Variants in DAP observed in about 807,000 individuals in gnomAD.
DAP encodes the protein death associated protein.
DAP carries 8 observed loss-of-function variants against 13.8 expected under a neutral mutation model. That is an observed-to-expected ratio of 0.58 (90% CI 0.34 to 1.05). The LOEUF is 1.05. Ranked by LOEUF, DAP falls within the 50% of genes least tolerant of loss-of-function variation. The pLI is 0.03. For synonymous variants in DAP, 47 were observed against 47.5 expected (o/e 0.99, Z 0.04); for missense variants, 106 against 133.2 (o/e 0.80, Z 1.01).
At chr5:10,730,455 A>G (rs913127019) in intron 2 of DAP, among the ~76,000 whole-genome samples, 4 of 151,524 alleles carry the variant, frequency 2.6e-5, no homozygotes, top group African/African-American at 7.3e-5. Context: ...GGTCGAGAAG[A>G]ATTTTTCTCT....
intron 2 of DAP, among the ~76,000 whole-genome samples, chr5:10,729,158 C>A (rs764045742): frequency 2.6e-5 from 4 of 152,142 alleles, no homozygotes; most frequent in East Asian, 1.9e-4. Context: ...CAAAACAATT[C>A]CCTCATGCCC....
At chr5:10,703,986 G>C (rs1738642225) in intron 2 of DAP, among the ~76,000 whole-genome samples, 1 of 152,218 alleles carries the variant, frequency 6.6e-6, no homozygotes, top group Non-Finnish European at 1.5e-5. Flanking sequence ...GCAGCATCCC[G>C]AGGGCTGGGC....
At chr5:10,720,085 T>C (rs192578721) in intron 2 of DAP, among the ~76,000 whole-genome samples, 5 of 152,320 alleles carry the variant, frequency 3.3e-5, no homozygotes, top group Admixed American at 2.6e-4. Flanking sequence ...TTTGGCTGGA[T>C]GGTCAGGGAG....
chr5:10,682,765 C>T (rs576631308), intron 3 of DAP, among the ~76,000 whole-genome samples: 8 of 152,364 alleles, frequency 5.3e-5, no homozygotes, highest in Admixed American at 2.6e-4. Context: ...TGCCCCATGC[C>T]GTGAGACACA....
chr5:10,738,429 A>G (rs1739669580), intron 2 of DAP, among the ~76,000 whole-genome samples: 1 of 152,248 alleles, frequency 6.6e-6, no homozygotes, highest in African/African-American at 2.4e-5. Context: ...ACCGGCCATG[A>G]GATGGGGAGT....
intron 2 of DAP, among the ~76,000 whole-genome samples, chr5:10,746,251 G>T (rs896007706): frequency 4.6e-5 from 7 of 152,080 alleles, no homozygotes; most frequent in Admixed American, 2.0e-4. Context: ...GAACTTACAG[G>T]AGAGTTGCTG....
At chr5:10,741,910 C>A (rs924367969) in intron 2 of DAP, among the ~76,000 whole-genome samples, 1 of 152,192 alleles carries the variant, frequency 6.6e-6, no homozygotes, top group African/African-American at 2.4e-5. Context: ...TCATGGCTTC[C>A]ACGGTAAAGA....
intron 2 of DAP, among the ~76,000 whole-genome samples, chr5:10,709,397 C>T (rs1310083484): frequency 6.6e-6 from 1 of 152,168 alleles, no homozygotes; most frequent in Non-Finnish European, 1.5e-5. Flanking sequence ...CAGACCCAAA[C>T]GCAGGACACT....
intron 1 of DAP, among the ~76,000 whole-genome samples, chr5:10,757,997 A>G (rs1740235538): frequency 6.6e-6 from 1 of 152,238 alleles, no homozygotes; most frequent in African/African-American, 2.4e-5. Flanking sequence ...GATATGGGCC[A>G]GACAGCAACA....
intron 2 of DAP, among the ~76,000 whole-genome samples, chr5:10,693,130 A>G (rs762573902): frequency 9.6e-5 from 7 of 72,764 alleles, no homozygotes; most frequent in Admixed American, 2.3e-4. Flanking sequence ...ACACGCACAC[A>G]CACACACACA....
intron 2 of DAP, 113 bp downstream of exon 2, chr5:10,748,062 G>T: frequency 4.0e-6 from 3 of 753,792 alleles, no homozygotes; most frequent in Non-Finnish European, 6.9e-6. Context: ...ACACAGAACA[G>T]GGCCCCACAT....
intron 2 of DAP, among the ~76,000 whole-genome samples, chr5:10,713,868 G>A (rs1292782069): frequency 2.6e-5 from 4 of 152,230 alleles, no homozygotes; most frequent in African/African-American, 7.2e-5. Flanking sequence ...AGAACTGAAC[G>A]TCAGGGAGCA....
At position 10,681,072 on chromosome 5, in the gene DAP, T is replaced by C; in HGVS notation, c.293A>G (p.Gln98Arg). 6.3e-7 allele frequency: 1 copy of C among 1,598,744 alleles called. No homozygotes were observed. The highest frequency in any genetic ancestry group is 8.5e-7 in the Non-Finnish European group (1 of 1,171,704). ...ACTCCAGGCTCACTTGCGTGGCTGC[T>C]GGATGTGCTGGGTTCTTGGGGAAGG... Reference protein sequence around the residue: ...KHPSPRTQHIQQPRK With the variant: ...KHPSPRTQHIRQPRK The change falls in exon 4 of 4, where the codon CAG becomes CGG. Residue 98 changes from glutamine to arginine, a missense_variant. Physicochemically the swap from Gln to Arg is conservative, Grantham distance 43. Transcript: ENST00000230895.
chr5:10,710,034 C>G (rs958092942), intron 2 of DAP, among the ~76,000 whole-genome samples: 5 of 152,244 alleles, frequency 3.3e-5, no homozygotes, highest in African/African-American at 1.2e-4. Flanking sequence ...TTGCCAGGCT[C>G]TGTGATGAGG....
intron 2 of DAP, among the ~76,000 whole-genome samples, chr5:10,716,401 A>G: frequency 6.6e-6 from 1 of 152,176 alleles, no homozygotes; most frequent in African/African-American, 2.4e-5. Flanking sequence ...GTTAGTACTG[A>G]GTGTCAACTT....
chr5:10,761,033 T>G lies in DAP; in HGVS notation c.36A>C (p.Lys12Asn), dbSNP rs369001210. 3 of 1,213,624 alleles carry G rather than the reference T, an allele frequency of 2.5e-6. No homozygotes were observed. The African/African-American group carries it at 4.8e-5, about 19-fold the overall frequency. 75.2% of individuals were successfully genotyped at this position (1,213,624 alleles called of 1,614,324 possible). A position where few individuals can be genotyped will look rare whatever the true frequency, so the allele number is the denominator to read the frequency against. Residue 12 changes from lysine (K) to asparagine (N), a missense_variant, in exon 1 of 4, where the codon AAA (lysine) becomes AAC (asparagine). Transcript: ENST00000230895. Reference sequence around the variant, plus strand: ...CAGTACCGGCGGGCGGGTGTCCAGCTTTAGTCTCTAGTTTCCCTTCGGGAG... The same window carrying G: ...CAGTACCGGCGGGCGGGTGTCCAGCGTTAGTCTCTAGTTTCCCTTCGGGAG... ...SSPPEGKLET[K>N]AGHPPAVKAG...
chr5:10,751,594 C>T (rs562911002), intron 1 of DAP, among the ~76,000 whole-genome samples: 4 of 152,188 alleles, frequency 2.6e-5, no homozygotes, highest in African/African-American at 7.2e-5. Context: ...AGTGTCCCCC[C>T]AAAATTCATA....
intron 2 of DAP, among the ~76,000 whole-genome samples, chr5:10,723,030 T>C (rs1003128498): frequency 6.6e-6 from 1 of 152,234 alleles, no homozygotes; most frequent in South Asian, 2.1e-4. Flanking sequence ...GGGACAGCCA[T>C]CTTTCAGAGT....
chr5:10,711,302 C>A (rs1738846511), intron 2 of DAP, among the ~76,000 whole-genome samples: 1 of 152,230 alleles, frequency 6.6e-6, no homozygotes, highest in Non-Finnish European at 1.5e-5. Context: ...CTTTTACCTT[C>A]ATCAGAATTT....
Sources: allele counts gnomAD v4.1 joint callset (sites outside exome capture counted in the v4.1 genomes callset), GRCh38; gene constraint gnomAD v4.1.1; transcripts MANE v1.5; gene names NCBI Gene and HGNC (gene_info 2026-07-23, HGNC 2026-07-21).